PXDNL: variants seen among roughly 807,000 people sequenced by gnomAD.
PXDNL encodes the protein peroxidasin like, also known as probable oxidoreductase PXDNL.
PXDNL carries 145 observed loss-of-function variants against 150.8 expected under a neutral mutation model. That is an observed-to-expected ratio of 0.96 (90% CI 0.84 to 1.10). PXDNL has a LOEUF of 1.10. Ranked by LOEUF, PXDNL falls within the 50% of genes least tolerant of loss-of-function variation. The probability of loss-of-function intolerance (pLI) is 0.00; values close to 1 mark genes in which losing one functional copy is unlikely to be tolerated. For synonymous variants in PXDNL, 757 were observed against 725.7 expected, an observed-to-expected ratio of 1.04 and a Z score of -0.69; for missense variants, 2,087 against 1,873.9, an observed-to-expected ratio of 1.11 and a Z score of -2.10.
chr8:51,639,881 C>G, intron 2 of PXDNL, among the ~76,000 whole-genome samples: 1 of 152,048 alleles, frequency 6.6e-6, no homozygotes, highest in Non-Finnish European at 1.5e-5. Flanking sequence ...GATACCAAAG[C>G]CAGGAAGAGA....
chr8:51,375,223 T>C (rs969367647), intron 17 of PXDNL, among the ~76,000 whole-genome samples: 1 of 152,230 alleles, frequency 6.6e-6, no homozygotes, highest in Non-Finnish European at 1.5e-5. Flanking sequence ...AGGTAAGTTT[T>C]CTCTTGATAA....
At chr8:51,320,729 A>C (rs1186420315) in intron 22 of PXDNL, 55 bp downstream of exon 22, 1 of 1,240,888 alleles carries the variant, frequency 8.1e-7, no homozygotes, top group Non-Finnish European at 1.1e-6. Context: ...GTATGCTTCA[A>C]CTGGCTGGCT....
chr8:51,425,801 G>A (rs978586698), intron 13 of PXDNL, among the ~76,000 whole-genome samples: 2 of 150,488 alleles, frequency 1.3e-5, no homozygotes, highest in African/African-American at 2.4e-5. Context: ...CAGCCTGGGC[G>A]ACAAAGCGAG....
At chr8:51,422,270 C>T (rs1039620660) in intron 14 of PXDNL, among the ~76,000 whole-genome samples, 2 of 152,066 alleles carry the variant, frequency 1.3e-5, no homozygotes, top group Non-Finnish European at 2.9e-5. Flanking sequence ...ATATAAAGTG[C>T]ACAATAAATG....
chr8:51,540,789 G>C (rs1406594665), intron 4 of PXDNL, among the ~76,000 whole-genome samples: 1 of 152,078 alleles, frequency 6.6e-6, no homozygotes, highest in African/African-American at 2.4e-5. Flanking sequence ...TGTTCTATCA[G>C]TTACTAAAAG....
chr8:51,455,582 G>A (rs1809921985), intron 9 of PXDNL, among the ~76,000 whole-genome samples: 1 of 152,080 alleles, frequency 6.6e-6, no homozygotes, highest in Non-Finnish European at 1.5e-5. Flanking sequence ...GCGCTATAAG[G>A]AACACCACAT....
At chr8:51,485,029 A>C (rs1810697636) in intron 5 of PXDNL, among the ~76,000 whole-genome samples, 1 of 152,198 alleles carries the variant, frequency 6.6e-6, no homozygotes, top group African/African-American at 2.4e-5. Flanking sequence ...TATTAGCTAC[A>C]TCCAGCCACT....
chr8:51,560,796 T>C (rs549189144), intron 3 of PXDNL, among the ~76,000 whole-genome samples: 36 of 151,870 alleles, frequency 2.4e-4, no homozygotes, highest in African/African-American at 8.7e-4. Context: ...TACACCAAGA[T>C]TTAAAAGTTT....
intron 2 of PXDNL, among the ~76,000 whole-genome samples, chr8:51,641,612 C>T (rs1414003890): frequency 3.9e-4 from 59 of 149,440 alleles, no homozygotes; most frequent in African/African-American, 1.3e-3. Flanking sequence ...AAAATGCTCA[C>T]CATCACTGGC....
chr8:51,438,758 G>T lies in PXDNL; in HGVS notation c.1525+8246C>A, dbSNP rs191410066. ...CCAATGGAACAGAATAGAGAACCCAGAAATTAAGCCAAATACTTATGGCCC... is the reference window on the plus strand; with the variant it reads ...CCAATGGAACAGAATAGAGAACCCATAAATTAAGCCAAATACTTATGGCCC... On this transcript the variant is annotated intron_variant, in intron 12 of 22. Coordinates refer to ENST00000356297, the MANE Select transcript of PXDNL (RefSeq NM_144651.5). Among the ~76,000 whole-genome samples the T allele has an allele frequency of 3.5e-3, 536 of 152,234 alleles. 2 individuals are homozygous for T. Among genetic ancestry groups the T allele is most frequent in the Non-Finnish European group, 5.4e-3 (364 of 68,016 alleles).
intron 4 of PXDNL, among the ~76,000 whole-genome samples, chr8:51,542,662 T>G (rs1812245581): frequency 6.6e-6 from 1 of 151,744 alleles, no homozygotes; most frequent in Non-Finnish European, 1.5e-5. Context: ...ATACAAAAGT[T>G]AGGCTGGGAT....
At chr8:51,622,119 G>C (rs1814270996) in intron 2 of PXDNL, among the ~76,000 whole-genome samples, 1 of 152,152 alleles carries the variant, frequency 6.6e-6, no homozygotes, top group Middle Eastern at 3.2e-3. Flanking sequence ...GTGGGGCTTT[G>C]CTGGCTTCCA....
intron 3 of PXDNL, among the ~76,000 whole-genome samples, chr8:51,578,281 G>A (rs1347318553): frequency 6.6e-6 from 1 of 151,810 alleles, no homozygotes; most frequent in Non-Finnish European, 1.5e-5. Flanking sequence ...AGATCAGCAA[G>A]GTCACAGTAT....
intron 1 of PXDNL, among the ~76,000 whole-genome samples, chr8:51,780,649 CTTTT>C (rs2037404135): frequency 8.7e-6 from 1 of 114,422 alleles, no homozygotes; most frequent in Non-Finnish European, 1.8e-5. Context: ...TTTTTCTTTT[CTTTT>C]CTTTTTTTTT....
At chr8:51,321,630 C>T (rs1390250880) in intron 21 of PXDNL, among the ~76,000 whole-genome samples, 1 of 152,058 alleles carries the variant, frequency 6.6e-6, no homozygotes. Flanking sequence ...CATTTGCTCT[C>T]TCTCTCCTGC....
chr8:51,417,672 T>C (rs1299634840), intron 14 of PXDNL, among the ~76,000 whole-genome samples: 1 of 152,196 alleles, frequency 6.6e-6, no homozygotes, highest in Admixed American at 6.5e-5. Flanking sequence ...CGTAACCAAA[T>C]AGGTCTTATC....
chr8:51,581,506 T>C (rs1297144707), intron 3 of PXDNL, among the ~76,000 whole-genome samples: 3 of 151,408 alleles, frequency 2.0e-5, no homozygotes, highest in East Asian at 1.9e-4. Flanking sequence ...AATAAATAAA[T>C]AAATAAATTT....
At chr8:51,421,626 G>A (rs926087238) in intron 14 of PXDNL, among the ~76,000 whole-genome samples, 1 of 152,108 alleles carries the variant, frequency 6.6e-6, no homozygotes, top group Non-Finnish European at 1.5e-5. Flanking sequence ...TTGAACCCGA[G>A]AGTCGGAAGT....
intron 4 of PXDNL, among the ~76,000 whole-genome samples, chr8:51,513,426 C>T (rs1295231798): frequency 6.6e-6 from 1 of 152,220 alleles, no homozygotes; most frequent in Non-Finnish European, 1.5e-5. Flanking sequence ...ATGAGTCACA[C>T]TGTGCAAGGG....
Sources: gnomAD v4.1 joint callset for allele counts (sites outside exome capture counted in the v4.1 genomes callset) on GRCh38, gnomAD v4.1.1 for gene constraint, MANE v1.5 for transcripts, NCBI Gene and HGNC (gene_info 2026-07-23, HGNC 2026-07-21) for gene names.